The following CEP128 variants were observed in gnomAD, a reference collection of about 807,000 sequenced individuals.
The protein encoded by CEP128 is centrosomal protein 128.
In CEP128, 132 loss-of-function variants were observed where a neutral mutation model predicts 156.7. That is an observed-to-expected ratio of 0.84 (90% CI 0.73 to 0.97). The LOEUF is 0.97. Ranked by LOEUF, CEP128 falls within the 50% of genes least tolerant of loss-of-function variation. The probability of loss-of-function intolerance (pLI) is 0.00; values close to 1 mark genes in which losing one functional copy is unlikely to be tolerated. For missense variants in CEP128, 1,252 were observed against 1,281.9 expected (o/e 0.98, Z 0.36); for synonymous variants, 469 against 448.9 (o/e 1.04, Z -0.57).
chr14:80,678,049 A>AAAAAAATATATATATAT, intron 19 of CEP128, among the ~76,000 whole-genome samples: 2 of 98,502 alleles, frequency 2.0e-5, no homozygotes, highest in African/African-American at 6.3e-5. Flanking sequence ...ATAAAAAAAA[A>AAAAAAATATATATATAT]ATATATATAT....
intron 19 of CEP128, among the ~76,000 whole-genome samples, chr14:80,742,242 G>A (rs1898869043): frequency 6.6e-6 from 1 of 152,020 alleles, no homozygotes; most frequent in Non-Finnish European, 1.5e-5. Flanking sequence ...TTGATTTTAA[G>A]AATTAGGTAA....
chr14:80,740,686 C>A (rs1898786523), intron 19 of CEP128, among the ~76,000 whole-genome samples: 1 of 152,140 alleles, frequency 6.6e-6, no homozygotes, highest in Non-Finnish European at 1.5e-5. Flanking sequence ...AGACCATTTT[C>A]TTTTTTCTAC....
At chr14:80,904,679 A>T (rs921532483) in intron 6 of CEP128, 134 bp downstream of exon 6, 8 of 596,108 alleles carry the variant, frequency 1.3e-5, no homozygotes, top group African/African-American at 1.1e-4. Context: ...GTTCCAAAAA[A>T]AGGGATCAGT....
intron 13 of CEP128, among the ~76,000 whole-genome samples, chr14:80,808,579 A>G (rs1470333305): frequency 6.6e-6 from 1 of 152,166 alleles, no homozygotes; most frequent in East Asian, 1.9e-4. Flanking sequence ...CAAGCAAGCC[A>G]TATGAAGACC....
chr14:80,922,418 G>A (rs1244985127), intron 2 of CEP128, among the ~76,000 whole-genome samples: 1 of 152,138 alleles, frequency 6.6e-6, no homozygotes, highest in Non-Finnish European at 1.5e-5. Flanking sequence ...TATTTTAATT[G>A]TATATTATTT....
At chr14:80,690,920 T>C (rs1045232161) in intron 19 of CEP128, among the ~76,000 whole-genome samples, 1 of 152,118 alleles carries the variant, frequency 6.6e-6, no homozygotes, top group African/African-American at 2.4e-5. Context: ...GCCACATAAG[T>C]TAAAAACACA....
At chr14:80,572,020 A>G (rs2140416183) in intron 20 of CEP128, among the ~76,000 whole-genome samples, 1 of 152,348 alleles carries the variant, frequency 6.6e-6, no homozygotes, top group East Asian at 1.9e-4. Context: ...ACCACAGTGT[A>G]TGACACAAAG....
chr14:80,544,956 G>T lies in CEP128; in HGVS notation c.2881-14070C>A, dbSNP rs558684187. ...TAAGAGGGATAAAAGTTTTTTATTT[G>T]ATTTTAAGAAAATCAATACTTAAAA... On this transcript the variant is annotated intron_variant, in intron 21 of 24. Coordinates refer to ENST00000555265, the MANE Select transcript of CEP128 (RefSeq NM_152446.5). Among the ~76,000 whole-genome samples the T allele has an allele frequency of 4.4e-4, 67 of 152,096 alleles. 2 individuals carry two copies. In the South Asian group the frequency reaches 0.012, roughly 26 times the overall value.
At chr14:80,623,103 T>C (rs1341075083) in intron 19 of CEP128, among the ~76,000 whole-genome samples, 1 of 151,966 alleles carries the variant, frequency 6.6e-6, no homozygotes, top group East Asian at 1.9e-4. Context: ...ATGTGGCACA[T>C]ATACACCATG....
At chr14:80,931,257 G>A (rs1885446005) in intron 2 of CEP128, among the ~76,000 whole-genome samples, 1 of 152,188 alleles carries the variant, frequency 6.6e-6, no homozygotes, top group Non-Finnish European at 1.5e-5. Flanking sequence ...CGAAGCAGCT[G>A]CCATGACTGA....
Position 80,815,220 on chromosome 14 carries a change from CAATAAT to C in CEP128, c.1209+15917_1209+15922del, listed in dbSNP as rs376571481. 3.3e-5 allele frequency among the ~76,000 whole-genome samples: 5 copies of C among 152,084 alleles called. No homozygotes were observed. The South Asian group carries it at 8.3e-4, about 25-fold the overall frequency. ...GAACTCTAACATCTCAACGAAATAACAATAATAATAATAAGTTCATTAAAAAGTGGA... is the reference window on the plus strand; with the variant it reads ...GAACTCTAACATCTCAACGAAATAACAATAATAAGTTCATTAAAAAGTGGA... On this transcript the variant is annotated intron_variant, in intron 13 of 24. Transcript: ENST00000555265.
intron 19 of CEP128, among the ~76,000 whole-genome samples, chr14:80,656,799 AG>A (rs1338830066): frequency 6.6e-6 from 1 of 152,172 alleles, no homozygotes; most frequent in Non-Finnish European, 1.5e-5. Flanking sequence ...CCAAGATCAC[AG>A]TTTTTGCTGG....
intron 19 of CEP128, among the ~76,000 whole-genome samples, chr14:80,690,275 G>A (rs991730707): frequency 1.3e-5 from 2 of 150,596 alleles, no homozygotes; most frequent in Admixed American, 6.6e-5. Context: ...AATTAGCCGG[G>A]CATGGTGGCA....
chr14:80,497,493 C>A lies in CEP128; in HGVS notation c.3271G>T (p.Glu1091Ter). 6.2e-7 allele frequency: 1 copy of A among 1,609,636 alleles called. No individual in the cohort carries two copies. Among genetic ancestry groups the A allele is most frequent in the Non-Finnish European group, 8.5e-7 (1 of 1,176,676 alleles). Reference protein sequence around the residue: ...NGTSSQPKKEEYGS With the variant: ...NGTSSQPKKE ...CATTTGCTTTTTTAGCTCCCATATT[C>A]CTCTTTTTTGGGTTGTGAACTTGTT... The change falls in exon 25 of 25, where the codon GAA (glutamate) becomes TAA (stop). Residue 1091 changes from glutamate (E) to a stop codon, truncating the protein, a stop_gained. Transcript: ENST00000555265. LOFTEE classifies it high-confidence loss of function.
chr14:80,537,278 T>C (rs1332700106), intron 21 of CEP128, among the ~76,000 whole-genome samples: 1 of 152,192 alleles, frequency 6.6e-6, no homozygotes, highest in East Asian at 1.9e-4. Context: ...CAACCCATTA[T>C]CTTACTATTA....
At chr14:80,856,826 G>A (rs1159778909) in intron 9 of CEP128, among the ~76,000 whole-genome samples, 1 of 141,400 alleles carries the variant, frequency 7.1e-6, no homozygotes, top group Non-Finnish European at 1.5e-5. Flanking sequence ...TGCCTCCCGA[G>A]TTAAAGCTAT....
intron 13 of CEP128, among the ~76,000 whole-genome samples, chr14:80,818,907 C>T (rs1595451052): frequency 6.6e-6 from 1 of 152,092 alleles, no homozygotes; most frequent in Non-Finnish European, 1.5e-5. Flanking sequence ...TTATTCTGTC[C>T]TTGAAGGACA....
chr14:80,648,886 T>C (rs2140838101), intron 19 of CEP128, among the ~76,000 whole-genome samples: 1 of 152,180 alleles, frequency 6.6e-6, no homozygotes, highest in South Asian at 2.1e-4. Context: ...TAGGGAACAA[T>C]GTTAAAGTAA....
intron 19 of CEP128, among the ~76,000 whole-genome samples, chr14:80,676,257 G>A (rs1896055331): frequency 6.6e-6 from 1 of 151,708 alleles, no homozygotes; most frequent in Non-Finnish European, 1.5e-5. Context: ...GTTTTGTGTA[G>A]GTACACATTA....
Sources: gnomAD v4.1 joint callset for allele counts (sites outside exome capture counted in the v4.1 genomes callset) on GRCh38, gnomAD v4.1.1 for gene constraint, MANE v1.5 for transcripts, NCBI Gene and HGNC (gene_info 2026-07-23, HGNC 2026-07-21) for gene names.